Variants in LARS2 observed in about 807,000 individuals in gnomAD.
LARS2 encodes the protein leucyl-tRNA synthetase 2, mitochondrial.
A neutral mutation model predicts 116.6 loss-of-function variants in LARS2; 81 were observed. That is an observed-to-expected ratio of 0.69 (90% confidence interval 0.58 to 0.84). The LOEUF (loss-of-function observed/expected upper bound fraction) is 0.84. Ranked by LOEUF, LARS2 falls within the 40% of genes least tolerant of loss-of-function variation. The pLI is 0.00. For synonymous variants in LARS2, 396 were observed against 407.2 expected (o/e 0.97, Z 0.33); for missense variants, 968 against 1,114.5 (o/e 0.87, Z 1.87).
At chr3:45,496,200 C>A in intron 13 of LARS2, 75 bp from the exon 14 acceptor site, 2 of 1,122,056 alleles carry the variant, frequency 1.8e-6, no homozygotes, top group Non-Finnish European at 1.4e-6. Flanking sequence ...ATACTTATAG[C>A]TCTCTCAAAA....
intron 10 of LARS2, among the ~76,000 whole-genome samples, chr3:45,480,183 T>C (rs1212137650): frequency 6.6e-6 from 1 of 152,080 alleles, no homozygotes; most frequent in Non-Finnish European, 1.5e-5. Context: ...GCTTCTGTGC[T>C]CAAAAAATCT....
At position 45,398,018 on chromosome 3, in the gene LARS2, C is replaced by T. The variant is rs552451079; in HGVS notation, c.235-2227C>T. 5.3e-5 allele frequency among the ~76,000 whole-genome samples: 8 copies of T among 152,334 alleles called. No homozygotes were observed. In the East Asian group the frequency reaches 1.5e-3, roughly 29 times the overall value. ...ATTAAAGTGTCTGACCAATGTGTTG[C>T]TTTCCATCCTGTTTGTATAAATCCA... is the stretch of plus-strand genomic sequence containing the variant. On this transcript the variant is annotated intron_variant, in intron 3 of 21. Transcript: ENST00000645846.
At chr3:45,473,685 G>A (rs1699565135) in intron 8 of LARS2, among the ~76,000 whole-genome samples, 1 of 146,732 alleles carries the variant, frequency 6.8e-6, no homozygotes, top group African/African-American at 2.5e-5. Context: ...CACCTGGCCT[G>A]TTGTTGTTTT....
rs1272835802 is a variant in LARS2, at chr3:45,536,692, C to T, written c.2405-5137C>T. Among the ~76,000 whole-genome samples the T allele has an allele frequency of 5.9e-5, 9 of 152,134 alleles. No homozygotes were observed. In the East Asian group the frequency reaches 1.5e-3, roughly 26 times the overall value. ...CCTCTCTGGGCTTCTTGAAGCAAAG[C>T]GAAACCTAATTTTTAAATTGAAAAG... On this transcript the variant is annotated intron_variant, in intron 20 of 21. Coordinates refer to ENST00000645846, the MANE Select transcript of LARS2 (RefSeq NM_015340.4).
intron 6 of LARS2, 138 bp downstream of exon 6, chr3:45,419,867 A>ATG (rs1559462909): frequency 1.4e-6 from 1 of 689,706 alleles, no homozygotes; most frequent in Admixed American, 2.4e-5. Context: ...GCACTCTTCA[A>ATG]AAAGTATCCT....
At chr3:45,429,943 C>G (rs1559466247) in intron 6 of LARS2, among the ~76,000 whole-genome samples, 2 of 150,546 alleles carry the variant, frequency 1.3e-5, no homozygotes, top group Admixed American at 1.3e-4. Context: ...GTCAAGTGAT[C>G]CACCTGCCTC....
chr3:45,410,022 T>G (rs1344300063), intron 4 of LARS2, among the ~76,000 whole-genome samples: 1 of 152,260 alleles, frequency 6.6e-6, no homozygotes, highest in Non-Finnish European at 1.5e-5. Flanking sequence ...GGCTGGTTTT[T>G]GTGACAGTCT....
At chr3:45,453,459 T>G (rs1486149191) in intron 7 of LARS2, among the ~76,000 whole-genome samples, 1 of 152,244 alleles carries the variant, frequency 6.6e-6, no homozygotes, top group Non-Finnish European at 1.5e-5. Context: ...TACATGAATT[T>G]AGTAGCAGCT....
At chr3:45,428,437 G>A (rs1698636023) in intron 6 of LARS2, among the ~76,000 whole-genome samples, 1 of 151,398 alleles carries the variant, frequency 6.6e-6, no homozygotes, top group Non-Finnish European at 1.5e-5. Flanking sequence ...AGTAGAGACA[G>A]GGTTTCACCG....
intron 10 of LARS2, among the ~76,000 whole-genome samples, chr3:45,482,789 C>T (rs1321263910): frequency 6.6e-6 from 1 of 152,206 alleles, no homozygotes; most frequent in African/African-American, 2.4e-5. Flanking sequence ...ATTCTACCTA[C>T]ATGAAACTCT....
At chr3:45,546,084 G>A (rs550232869) in intron 21 of LARS2, among the ~76,000 whole-genome samples, 87 of 152,266 alleles carry the variant, frequency 5.7e-4, no homozygotes, top group Non-Finnish European at 1.1e-3. Flanking sequence ...CTCTGTAGGT[G>A]GTGGCCCAGA....
In LARS2 at chr3:45,533,141, C is replaced by CTTTTTTTTTTTT. The variant is rs3085466; in HGVS notation, c.2405-8672_2405-8661dup. 2.2e-4 allele frequency among the ~76,000 whole-genome samples: 11 copies of CTTTTTTTTTTTT among 51,018 alleles called. 4 individuals are homozygous for CTTTTTTTTTTTT. Among genetic ancestry groups the CTTTTTTTTTTTT allele is most frequent in the African/African-American group, 2.1e-4 (3 of 14,098 alleles). 33.5% of individuals were successfully genotyped at this position (51,018 alleles called of 152,430 possible). A position where few individuals can be genotyped will look rare whatever the true frequency, so the allele number is the denominator to read the frequency against. ...TTTAGCTTTGGTGGTCACATTAAGT[C>CTTTTTTTTTTTT]TTTTTTTTTTTTTTTTTTTTTTTTT... On this transcript the variant is annotated intron_variant, in intron 20 of 21. Coordinates refer to ENST00000645846, the MANE Select transcript of LARS2 (RefSeq NM_015340.4).
At chr3:45,394,828 C>G (rs1452476395) in intron 3 of LARS2, 141 bp downstream of exon 3, 4 of 634,820 alleles carry the variant, frequency 6.3e-6, no homozygotes, top group Non-Finnish European at 1.1e-5. Flanking sequence ...CTTCAATTCT[C>G]TTATCTGAGA....
chr3:45,536,092 T>G (rs1383437779), intron 20 of LARS2, among the ~76,000 whole-genome samples: 1 of 152,158 alleles, frequency 6.6e-6, no homozygotes, highest in East Asian at 1.9e-4. Context: ...GGAAGGAATT[T>G]ATTTCCAATT....
intron 8 of LARS2, among the ~76,000 whole-genome samples, chr3:45,459,098 G>C (rs1219301427): frequency 6.6e-6 from 1 of 152,172 alleles, no homozygotes; most frequent in Non-Finnish European, 1.5e-5. Context: ...ATAGCACCTA[G>C]AGGTCATTGT....
intron 6 of LARS2, among the ~76,000 whole-genome samples, chr3:45,429,437 C>T (rs923705465): frequency 6.6e-6 from 1 of 152,204 alleles, no homozygotes; most frequent in Non-Finnish European, 1.5e-5. Flanking sequence ...GCTTGCATTT[C>T]TTCTCAAGCC....
intron 8 of LARS2, among the ~76,000 whole-genome samples, chr3:45,467,419 C>G (rs1036571363): frequency 2.0e-5 from 3 of 152,162 alleles, no homozygotes; most frequent in Non-Finnish European, 4.4e-5. Context: ...AAAATAGAGA[C>G]AGTAGAGCTG....
At chr3:45,506,098 G>GT in intron 15 of LARS2, among the ~76,000 whole-genome samples, 1 of 152,084 alleles carries the variant, frequency 6.6e-6, no homozygotes, top group East Asian at 1.9e-4. Context: ...ATGGAGTTTT[G>GT]TTTTTTTGAA....
intron 20 of LARS2, among the ~76,000 whole-genome samples, chr3:45,532,697 G>A (rs565367346): frequency 9.9e-5 from 15 of 151,564 alleles, no homozygotes; most frequent in South Asian, 4.2e-4. Context: ...GCTGGAGTGC[G>A]GTGGTGCCAC....
Sources: allele counts gnomAD v4.1 joint callset (sites outside exome capture counted in the v4.1 genomes callset), GRCh38; gene constraint gnomAD v4.1.1; transcripts MANE v1.5; gene names NCBI Gene and HGNC (gene_info 2026-07-23, HGNC 2026-07-21).